Variants in OBI1 observed in about 807,000 individuals in gnomAD.
The protein encoded by OBI1 is ring finger protein 219.
A neutral mutation model predicts 62.4 loss-of-function variants in OBI1; 59 were observed. The observed-to-expected ratio is 0.95, with a 90% CI of 0.77 to 1.17. OBI1 has a LOEUF of 1.17. Among genes scored for constraint, OBI1 ranks in the 50% most tolerant of loss-of-function variants. The pLI, the probability that OBI1 is intolerant of heterozygous loss-of-function variation, is 0.00. For synonymous variants in OBI1, 302 were observed against 292.8 expected, an observed-to-expected ratio of 1.03 and a Z score of -0.32; for missense variants, 875 against 830.9, an observed-to-expected ratio of 1.05 and a Z score of -0.65.
At chr13:78,658,866 C>G (rs1258524792) in intron 1 of OBI1, among the ~76,000 whole-genome samples, 183 bp downstream of exon 1, 1 of 152,138 alleles carries the variant, frequency 6.6e-6, no homozygotes, top group South Asian at 2.1e-4. Flanking sequence ...CAGATGAATC[C>G]ATTAATCACG....
At chr13:78,632,331 T>A (rs1215033341) in intron 5 of OBI1, among the ~76,000 whole-genome samples, 1 of 152,112 alleles carries the variant, frequency 6.6e-6, no homozygotes, top group Non-Finnish European at 1.5e-5. Flanking sequence ...TCCAAAACTG[T>A]GGGAAAATAA....
chr13:78,619,643 C>T (rs1875446938), intron 5 of OBI1, among the ~76,000 whole-genome samples: 1 of 152,144 alleles, frequency 6.6e-6, no homozygotes, highest in Admixed American at 6.5e-5. Flanking sequence ...GAAATGTATA[C>T]TAAAAGCCAT....
chr13:78,640,980 C>T lies in OBI1; in HGVS notation c.300+1142G>A, dbSNP rs1367841481. On this transcript the variant is annotated intron_variant, in intron 3 of 5. Coordinates refer to ENST00000282003, the MANE Select transcript of OBI1 (RefSeq NM_024546.4). ...TCTTCAATTACTACTGTGACTATTGCAAGTATTAGCCTTCCCACTCTGGAA... is the reference window on the plus strand; with the variant it reads ...TCTTCAATTACTACTGTGACTATTGTAAGTATTAGCCTTCCCACTCTGGAA... Among the ~76,000 whole-genome samples the T allele has an allele frequency of 5.6e-4, 34 of 61,192 alleles. 1 individual carries two copies. The allele number at this position is 61,192 out of a possible 152,430, so 40.1% of individuals were successfully genotyped here. A position where few individuals can be genotyped will look rare whatever the true frequency, so the allele number is the denominator to read the frequency against.
intron 1 of OBI1, among the ~76,000 whole-genome samples, chr13:78,657,958 G>A (rs190970767): frequency 1.2e-4 from 19 of 152,268 alleles, no homozygotes; most frequent in African/African-American, 4.6e-4. Context: ...TGATCTCCCA[G>A]CACATTTGCT....
rs1481988153 is a variant in OBI1 at position 78,615,517 on chromosome 13, G to C, written c.*63C>G. 1.6e-6 allele frequency: 2 copies of C among 1,235,716 alleles called. No homozygotes were observed. Among genetic ancestry groups the C allele is most frequent in the Non-Finnish European group, 1.1e-6 (1 of 882,460 alleles). 76.5% of individuals were successfully genotyped at this position (1,235,716 alleles called of 1,614,324 possible). ...TATAGAACTTTTATGAGGAAAAAAGGTAACTTTAACAACTTTTCTATTTCT... is the reference window on the plus strand; with the variant it reads ...TATAGAACTTTTATGAGGAAAAAAGCTAACTTTAACAACTTTTCTATTTCT... On this transcript the variant is annotated 3_prime_UTR_variant, in exon 6 of 6. Transcript: ENST00000282003.
In OBI1 at chr13:78,615,566, A is replaced by G. The variant is rs375276729; in HGVS notation, c.*14T>C. On this transcript the variant is annotated 3_prime_UTR_variant, in exon 6 of 6. Coordinates refer to ENST00000282003, the MANE Select transcript of OBI1 (RefSeq NM_024546.4). ...CTCTCAGGACAAAACCACAAATGAC[A>G]CCTTTCTAATGAGTCAACTTTTAGT... 52 of 1,543,364 alleles carry G rather than the reference A, an allele frequency of 3.4e-5. No homozygotes were observed. Among genetic ancestry groups the G allele is most frequent in the Non-Finnish European group, 4.4e-5 (50 of 1,142,330 alleles).
intron 5 of OBI1, among the ~76,000 whole-genome samples, chr13:78,631,019 G>C (rs1875831883): frequency 6.6e-6 from 1 of 152,056 alleles, no homozygotes; most frequent in Admixed American, 6.5e-5. Flanking sequence ...CATTGCATTT[G>C]GTTATTATGT....
chr13:78,653,682 C>T (rs370093669), intron 1 of OBI1, among the ~76,000 whole-genome samples: 8 of 152,234 alleles, frequency 5.3e-5, no homozygotes, highest in South Asian at 2.1e-4. Context: ...GGAGTGAAGA[C>T]GGTATTGATG....
Position 78,617,140 on chromosome 13 carries a change from ATAGT to A in OBI1, c.639-22_639-19del, listed in dbSNP as rs749444077. On this transcript the variant is annotated intron_variant, in intron 5 of 5. Coordinates refer to ENST00000282003, the MANE Select transcript of OBI1 (RefSeq NM_024546.4). Reference sequence around the variant, plus strand: ...TTCCAAACCTACAAAGAATGGAAAGATAGTTAATCTTATAACTCAAGCTTTTTTC... The same window carrying A: ...TTCCAAACCTACAAAGAATGGAAAGATAATCTTATAACTCAAGCTTTTTTC... The A allele has an allele frequency of 2.6e-6, 4 of 1,512,656 alleles. No individual in the cohort carries two copies. Among genetic ancestry groups the A allele is most frequent in the Admixed American group, 4.6e-5 (2 of 43,254 alleles). The allele number at this position is 1,512,656 out of a possible 1,614,324, so 93.7% of individuals were successfully genotyped here.
chr13:78,640,511 C>T (rs1876180472), intron 3 of OBI1, among the ~76,000 whole-genome samples: 6 of 152,008 alleles, frequency 3.9e-5, no homozygotes, highest in Admixed American at 3.9e-4. Context: ...GGTGGGCTGA[C>T]TGTACAGAGT....
At chr13:78,628,510 A>G (rs2137438581) in intron 5 of OBI1, among the ~76,000 whole-genome samples, 1 of 152,354 alleles carries the variant, frequency 6.6e-6, no homozygotes, top group Non-Finnish European at 1.5e-5. Context: ...TTCTAAGCAA[A>G]GGAAATAAAC....
At chr13:78,629,970 C>T (rs959796561) in intron 5 of OBI1, among the ~76,000 whole-genome samples, 3 of 152,126 alleles carry the variant, frequency 2.0e-5, no homozygotes, top group Non-Finnish European at 4.4e-5. Context: ...GTGGCTACTA[C>T]TACTGGAGAA....
Position 78,616,079 on chromosome 13 carries a change from G to C in OBI1, c.1682C>G (p.Ser561Ter), listed in dbSNP as rs376608775. 1.2e-6 allele frequency: 2 copies of C among 1,613,988 alleles called. No homozygotes were observed. Among genetic ancestry groups the C allele is most frequent in the African/African-American group, 2.7e-5 (2 of 74,916 alleles). ...CTTTGATAACCCATCCAAATCCAGT[G>C]ACTTAAAACCGTTATTACAAGGGCT... ...SKSPCNNGFK[S>*]LDLDGLSKSS... is the part of the protein sequence containing the mutation. The change falls in exon 6 of 6, where the codon TCA becomes TGA. Residue 561 changes from serine (S) to a stop codon, truncating the protein, a stop_gained. Coordinates refer to ENST00000282003, the MANE Select transcript of OBI1 (RefSeq NM_024546.4). LOFTEE classifies it high-confidence loss of function.
chr13:78,657,145 C>T (rs1009838802), intron 1 of OBI1, among the ~76,000 whole-genome samples: 4 of 152,118 alleles, frequency 2.6e-5, no homozygotes, highest in Non-Finnish European at 4.4e-5. Context: ...AACATCAACT[C>T]CCCATCCTTT....
chr13:78,649,261 A>G (rs1324606965), intron 1 of OBI1, among the ~76,000 whole-genome samples: 1 of 152,232 alleles, frequency 6.6e-6, no homozygotes, highest in East Asian at 1.9e-4. Flanking sequence ...CCAGCAAGCA[A>G]AGGAAGAGGA....
At chr13:78,656,861 G>A (rs1040877188) in intron 1 of OBI1, among the ~76,000 whole-genome samples, 1 of 139,016 alleles carries the variant, frequency 7.2e-6, no homozygotes, top group African/African-American at 2.7e-5. Flanking sequence ...GCAATGGCGC[G>A]ATCTCAGCTC....
At chr13:78,640,115 A>C (rs892965084) in intron 3 of OBI1, among the ~76,000 whole-genome samples, 1 of 152,132 alleles carries the variant, frequency 6.6e-6, no homozygotes, top group Non-Finnish European at 1.5e-5. Context: ...AAAAAAGAAC[A>C]AAAAAACAAA....
rs777662510 is a variant in OBI1, at chr13:78,635,170, C to T, written c.578G>A (p.Gly193Asp). The T allele has an allele frequency of 6.2e-7, 1 of 1,608,908 alleles. No individual in the cohort carries two copies. The highest frequency in any genetic ancestry group is 8.5e-7 in the Non-Finnish European group (1 of 1,176,800). Residue 193 changes from glycine (G) to aspartate (D), a missense_variant, in exon 5 of 6, where the codon GGT becomes GAT. Transcript: ENST00000282003. ...TCGTAAATTCTCCCTCACCAGACCA[C>T]CATTTTCCAATTTCAATTTTTTATT... is the stretch of plus-strand genomic sequence containing the variant. ...EANKKLKLEN[G>D]GLVRENLRLK...
At chr13:78,618,392 TG>T (rs1250234029) in intron 5 of OBI1, among the ~76,000 whole-genome samples, 1 of 151,162 alleles carries the variant, frequency 6.6e-6, no homozygotes, top group Non-Finnish European at 1.5e-5. Flanking sequence ...TATTTAGTAT[TG>T]AAAAAAAAAA....
Sources: gnomAD v4.1 joint callset for allele counts (sites outside exome capture counted in the v4.1 genomes callset) on GRCh38, gnomAD v4.1.1 for gene constraint, MANE v1.5 for transcripts, NCBI Gene and HGNC (gene_info 2026-07-23, HGNC 2026-07-21) for gene names.